TMPRSS2: variants seen among roughly 807,000 people sequenced by gnomAD.
TMPRSS2 encodes transmembrane serine protease 2.
In TMPRSS2, 59 loss-of-function variants were observed where a neutral mutation model predicts 67.4. That is an observed-to-expected ratio of 0.88 (90% CI 0.71 to 1.09). The LOEUF is 1.09. Ranked by LOEUF, TMPRSS2 falls within the 50% of genes least tolerant of loss-of-function variation. TMPRSS2 has a pLI of 0.00. For missense variants in TMPRSS2, 668 were observed against 642.7 expected (o/e 1.04, Z -0.43); for synonymous variants, 257 against 257.0 (o/e 1.00, Z 0.00).
Position 41,480,460 on chromosome 21 carries a change from G to A in TMPRSS2, c.572+16C>T, listed in dbSNP as rs1032644092. On this transcript the variant is annotated intron_variant, in intron 6 of 13. Coordinates refer to ENST00000332149, the MANE Select transcript of TMPRSS2 (RefSeq NM_005656.4). ...TGTCTGTTACTGTCACTCGGCGGGT[G>A]CTGCCCCATACTCACTTATAGCCCA... 6.2e-7 allele frequency: 1 copy of A among 1,612,366 alleles called. No homozygotes were observed. The highest frequency in any genetic ancestry group is 8.5e-7 in the Non-Finnish European group (1 of 1,179,476).
In TMPRSS2 at chr21:41,494,420, C is replaced by A. The variant is rs746239081; in HGVS notation, c.174G>T (p.Thr58=). 6.2e-7 allele frequency: 1 copy of A among 1,611,960 alleles called. No individual in the cohort carries two copies. The highest frequency in any genetic ancestry group is 1.1e-5 in the South Asian group (1 of 90,726). ...PVPQYAPRVL[T]QASNPVVCTQ... Reference sequence around the variant, plus strand: ...TGCAGACGACGGGGTTGGAAGCCTGCGTCAGGACCCTCGGGGCGTACTGGG... The same window carrying A: ...TGCAGACGACGGGGTTGGAAGCCTGAGTCAGGACCCTCGGGGCGTACTGGG... The change falls in exon 3 of 14, where the codon ACG becomes ACT. Residue 58 remains threonine, a synonymous_variant. Coordinates refer to ENST00000332149, the MANE Select transcript of TMPRSS2 (RefSeq NM_005656.4).
chr21:41,497,527 T>C (rs1033471363), intron 2 of TMPRSS2, among the ~76,000 whole-genome samples: 4 of 152,124 alleles, frequency 2.6e-5, no homozygotes, highest in African/African-American at 9.7e-5. Context: ...AAAAAATGAA[T>C]ATCAGTAACA....
At position 41,482,093 on chromosome 21, in the gene TMPRSS2, G is replaced by GT. The variant is rs952364314; in HGVS notation, c.446-1492dup. 4.2e-3 allele frequency among the ~76,000 whole-genome samples: 621 copies of GT among 146,824 alleles called. 1 individual carries two copies. Among genetic ancestry groups the GT allele is most frequent in the Middle Eastern group, 0.011 (3 of 284 alleles). On this transcript the variant is annotated intron_variant, in intron 5 of 13. Transcript: ENST00000332149. ...AAATAAATAAATAATAAGATAAAAG[G>GT]TTTTTTTTTTTAAAGTGCTCTTTAA...
In TMPRSS2 at chr21:41,480,473, C is replaced by T. The variant is rs2146451622; in HGVS notation, c.572+3G>A. The T allele has an allele frequency of 1.2e-6, 2 of 1,613,356 alleles. No homozygotes were observed. Among genetic ancestry groups the T allele is most frequent in the Non-Finnish European group, 1.7e-6 (2 of 1,179,950 alleles). On this transcript the variant is annotated splice_donor_region_variant and intron_variant, in intron 6 of 13. Transcript: ENST00000332149. The stretch of plus-strand genomic sequence containing the variant: ...CACTCGGCGGGTGCTGCCCCATACT[C>T]ACTTATAGCCCATGTCCCTGCAGGC...
chr21:41,497,716 T>C (rs2091394173), intron 2 of TMPRSS2, among the ~76,000 whole-genome samples: 1 of 152,206 alleles, frequency 6.6e-6, no homozygotes, highest in Non-Finnish European at 1.5e-5. Context: ...GGCCCGCCCA[T>C]GCCTCATGCA....
At chr21:41,507,951 T>TGCCGC (rs1569031696) in intron 1 of TMPRSS2, 130 bp downstream of exon 1, 2 of 1,480,438 alleles carry the variant, frequency 1.4e-6, no homozygotes, top group Non-Finnish European at 1.8e-6. Flanking sequence ...CGCACTCACC[T>TGCCGC]GCCGCGCCGC....
chr21:41,507,229 G>A (rs2091463963), intron 1 of TMPRSS2, among the ~76,000 whole-genome samples: 1 of 152,222 alleles, frequency 6.6e-6, no homozygotes, highest in Non-Finnish European at 1.5e-5. Context: ...TGGAGCACTT[G>A]ACCACTCAGG....
chr21:41,490,344 C>T (rs1354437355), intron 3 of TMPRSS2, among the ~76,000 whole-genome samples: 11 of 152,146 alleles, frequency 7.2e-5, no homozygotes, highest in Admixed American at 5.9e-4. Flanking sequence ...GGCTATTTAG[C>T]GAATGGATGC....
chr21:41,483,433 A>C (rs1224026924), intron 5 of TMPRSS2, among the ~76,000 whole-genome samples: 1 of 151,764 alleles, frequency 6.6e-6, no homozygotes, highest in Non-Finnish European at 1.5e-5. Context: ...ACAGGCATGC[A>C]CCACCACGCC....
At chr21:41,476,685 A>C (rs569681994) in intron 7 of TMPRSS2, 65 bp from the exon 8 acceptor site, 510 of 1,392,410 alleles carry the variant, frequency 3.7e-4, no homozygotes, top group Non-Finnish European at 4.7e-4. Flanking sequence ...TCACATGCTT[A>C]GAAATCAGTC....
At chr21:41,482,949 G>C (rs1358404490) in intron 5 of TMPRSS2, among the ~76,000 whole-genome samples, 4 of 152,180 alleles carry the variant, frequency 2.6e-5, no homozygotes, top group Non-Finnish European at 5.9e-5. Flanking sequence ...TGGGGTGAGT[G>C]GGGAGAGAGA....
rs576819929 is a variant in TMPRSS2 at position 41,473,308 on chromosome 21, C to T, written c.899+17G>A. 1.2e-5 allele frequency: 19 copies of T among 1,568,050 alleles called. No individual in the cohort carries two copies. The highest frequency in any genetic ancestry group is 1.1e-4 in the Admixed American group (6 of 56,438). ...CAGCCCTGAGCCCCCACCCGGCCCG[C>T]GCCGCCCCTGGCATACTTTTCCACG... On this transcript the variant is annotated intron_variant, in intron 9 of 13. Transcript: ENST00000332149.
intron 13 of TMPRSS2, among the ~76,000 whole-genome samples, chr21:41,466,371 G>A (rs535619881): frequency 2.0e-5 from 3 of 152,224 alleles, no homozygotes; most frequent in African/African-American, 4.8e-5. Context: ...TGTGGAGGCC[G>A]GCACAACAGG....
intron 3 of TMPRSS2, among the ~76,000 whole-genome samples, chr21:41,490,145 T>G (rs1601583098): frequency 1.6e-5 from 1 of 64,502 alleles, no homozygotes; most frequent in African/African-American, 1.0e-4. Context: ...AAAAACTCTG[T>G]CAAAAAAAAA....
chr21:41,504,751 C>G (rs1177933278), intron 1 of TMPRSS2, among the ~76,000 whole-genome samples: 1 of 152,172 alleles, frequency 6.6e-6, no homozygotes, highest in African/African-American at 2.4e-5. Context: ...GGCCCATACC[C>G]CTGGTGCTTG....
intron 6 of TMPRSS2, 92 bp downstream of exon 6, chr21:41,480,384 G>A (rs34561135): frequency 0.049 from 75,781 of 1,554,988 alleles, 2,289 homozygotes; most frequent in Non-Finnish European, 0.053. Context: ...CAGCACTCAT[G>A]TGCCGGTGCT....
At chr21:41,467,297 G>A (rs1236219471) in intron 13 of TMPRSS2, among the ~76,000 whole-genome samples, 2 of 151,910 alleles carry the variant, frequency 1.3e-5, no homozygotes, top group African/African-American at 4.8e-5. Flanking sequence ...GCTGAGGCAG[G>A]AGAATCACTT....
chr21:41,494,956 G>A (rs1569025224), intron 2 of TMPRSS2, among the ~76,000 whole-genome samples: 1 of 151,526 alleles, frequency 6.6e-6, no homozygotes. Context: ...ATAATCCCAG[G>A]TACTCGGGAG....
chr21:41,493,893 C>T (rs549801931), intron 3 of TMPRSS2, among the ~76,000 whole-genome samples: 13 of 152,356 alleles, frequency 8.5e-5, no homozygotes, highest in South Asian at 6.2e-4. Flanking sequence ...GTGTGACAAC[C>T]GCACCAGCCA....
Sources: gnomAD v4.1 joint callset for allele counts (sites outside exome capture counted in the v4.1 genomes callset) on GRCh38, gnomAD v4.1.1 for gene constraint, MANE v1.5 for transcripts, NCBI Gene and HGNC (gene_info 2026-07-23, HGNC 2026-07-21) for gene names.